The following GALNT13 variants were observed in gnomAD, a reference collection of about 807,000 sequenced individuals.
GALNT13 encodes polypeptide N-acetylgalactosaminyltransferase 13, also known as UDP-GalNAc:polypeptide N-acetylgalactosaminyltransferase 13.
A neutral mutation model predicts 64.2 loss-of-function variants in GALNT13; 28 were observed. That is an observed-to-expected ratio of 0.44 (90% CI 0.32 to 0.60). The LOEUF is 0.60. GALNT13 is among the 20% of genes least tolerant of loss of function. The probability of loss-of-function intolerance (pLI) is 0.05; values close to 1 mark genes in which losing one functional copy is unlikely to be tolerated. For synonymous variants in GALNT13, 214 were observed against 224.6 expected (o/e 0.95, Z 0.42); for missense variants, 577 against 669.8 (o/e 0.86, Z 1.53).
the GALNT13 span, among the ~76,000 whole-genome samples, chr2:153,861,669 C>T: frequency 1.1e-4 from 16 of 150,358 alleles, no homozygotes; most frequent in South Asian, 2.3e-3. Flanking sequence ...TAGATTCAAG[C>T]GATTCTCCTG....
At chr2:153,243,808 G>T in the GALNT13 span, among the ~76,000 whole-genome samples, 58 of 152,092 alleles carry the variant, frequency 3.8e-4, no homozygotes, top group African/African-American at 1.3e-3. Flanking sequence ...ACATTAAAAT[G>T]AAAACACACT....
intron 4 of GALNT13, among the ~76,000 whole-genome samples, chr2:154,201,279 G>C (rs1332062674): frequency 6.6e-6 from 1 of 152,108 alleles, no homozygotes; most frequent in Non-Finnish European, 1.5e-5. Flanking sequence ...GACAGCATGA[G>C]AGAATAATTC....
At chr2:153,802,773 A>G in the GALNT13 span, among the ~76,000 whole-genome samples, 170 of 152,368 alleles carry the variant, frequency 1.1e-3, no homozygotes, top group African/African-American at 4.1e-3. Context: ...TCTTTCATTT[A>G]GTCACAGCAT....
intron 3 of GALNT13, among the ~76,000 whole-genome samples, chr2:153,997,223 T>C (rs1695580482): frequency 6.6e-6 from 1 of 152,178 alleles, no homozygotes; most frequent in Admixed American, 6.5e-5. Context: ...ATTGGTGTTT[T>C]GATAAAGATT....
At chr2:153,108,119 C>G in the GALNT13 span, among the ~76,000 whole-genome samples, 1 of 152,158 alleles carries the variant, frequency 6.6e-6, no homozygotes, top group African/African-American at 2.4e-5. Context: ...CTCAAGTGAT[C>G]CACCTGCCTT....
intron 11 of GALNT13, among the ~76,000 whole-genome samples, chr2:154,434,866 A>G (rs1050005623): frequency 6.6e-6 from 1 of 152,250 alleles, no homozygotes; most frequent in African/African-American, 2.4e-5. Flanking sequence ...TAGAAATATA[A>G]ATGTAATTGC....
intron 3 of GALNT13, among the ~76,000 whole-genome samples, chr2:154,019,498 G>A (rs1464493638): frequency 6.6e-6 from 1 of 151,350 alleles, no homozygotes; most frequent in Admixed American, 6.6e-5. Context: ...GCTGGGTGTG[G>A]TGACGCACAC....
At chr2:153,617,485 G>A in the GALNT13 span, among the ~76,000 whole-genome samples, 13 of 151,924 alleles carry the variant, frequency 8.6e-5, no homozygotes, top group African/African-American at 1.7e-4. Context: ...GATGATTATT[G>A]CTTCAGTATT....
At chr2:153,493,906 T>G in the GALNT13 span, among the ~76,000 whole-genome samples, 7 of 151,954 alleles carry the variant, frequency 4.6e-5, no homozygotes, top group South Asian at 6.2e-4. Flanking sequence ...TACCTGAGAT[T>G]AGGAAATTTA....
the GALNT13 span, among the ~76,000 whole-genome samples, chr2:153,447,503 C>T: frequency 6.6e-6 from 1 of 152,176 alleles, no homozygotes; most frequent in Non-Finnish European, 1.5e-5. Context: ...AAGGTAACCA[C>T]GATTATTTAT....
the GALNT13 span, among the ~76,000 whole-genome samples, chr2:153,698,267 G>A: frequency 6.6e-6 from 1 of 152,034 alleles, no homozygotes; most frequent in Non-Finnish European, 1.5e-5. Flanking sequence ...ATGTAAATGG[G>A]CTAAATGCCC....
At chr2:153,661,001 A>G in the GALNT13 span, among the ~76,000 whole-genome samples, 1 of 152,098 alleles carries the variant, frequency 6.6e-6, no homozygotes, top group Non-Finnish European at 1.5e-5. Context: ...AGGTGATGAT[A>G]TAATCTACCA....
At chr2:153,607,201 T>G in the GALNT13 span, among the ~76,000 whole-genome samples, 1 of 149,470 alleles carries the variant, frequency 6.7e-6, no homozygotes, top group Non-Finnish European at 1.5e-5. Context: ...GCCCAGTAAT[T>G]ACTTGGTGAG....
At chr2:153,329,036 C>A in the GALNT13 span, among the ~76,000 whole-genome samples, 2 of 152,076 alleles carry the variant, frequency 1.3e-5, no homozygotes, top group African/African-American at 4.8e-5. Context: ...TGTGGTCCCT[C>A]AAGCTTCCCT....
intron 3 of GALNT13, among the ~76,000 whole-genome samples, chr2:154,107,845 A>G (rs1362259687): frequency 1.3e-5 from 2 of 152,104 alleles, no homozygotes; most frequent in Admixed American, 6.5e-5. Context: ...CATATGTTAG[A>G]GAGAACATGT....
At chr2:153,900,502 C>A (rs559666311) in intron 1 of GALNT13, among the ~76,000 whole-genome samples, 2 of 152,244 alleles carry the variant, frequency 1.3e-5, no homozygotes, top group East Asian at 3.9e-4. Flanking sequence ...AAGCCAAATT[C>A]TTTTCTAACT....
the GALNT13 span, among the ~76,000 whole-genome samples, chr2:153,835,789 G>A: frequency 6.6e-6 from 1 of 151,832 alleles, no homozygotes; most frequent in Non-Finnish European, 1.5e-5. Context: ...AACAAATTTT[G>A]GATTTATGGA....
the GALNT13 span, among the ~76,000 whole-genome samples, chr2:153,291,744 G>A: frequency 4.3e-3 from 573 of 134,494 alleles, no homozygotes; most frequent in Non-Finnish European, 5.4e-3. Context: ...TGTTCAAAAG[G>A]AAAAAAAAAA....
At chr2:153,472,455 G>A in the GALNT13 span, among the ~76,000 whole-genome samples, 5 of 152,166 alleles carry the variant, frequency 3.3e-5, no homozygotes, top group South Asian at 8.3e-4. Context: ...GTGTTTTGTG[G>A]TTCAAATGGA....
Sources: allele counts gnomAD v4.1 joint callset (sites outside exome capture counted in the v4.1 genomes callset), GRCh38; gene constraint gnomAD v4.1.1; transcripts MANE v1.5; gene names NCBI Gene and HGNC (gene_info 2026-07-23, HGNC 2026-07-21).